The following ATG5 variants were observed in gnomAD, a reference collection of about 807,000 sequenced individuals.
ATG5 encodes autophagy related 5, also known as autophagy protein 5.
A neutral mutation model predicts 36.5 loss-of-function variants in ATG5; 14 were observed. That is an observed-to-expected ratio of 0.38 (90% CI 0.25 to 0.60). The LOEUF (loss-of-function observed/expected upper bound fraction) is 0.60. Among genes scored for constraint, ATG5 ranks in the 20% least tolerant of loss-of-function variants. The pLI, the probability that ATG5 is intolerant of heterozygous loss-of-function variation, is 0.60. For missense variants in ATG5, 195 were observed against 326.7 expected (o/e 0.60, Z 3.11); for synonymous variants, 95 against 101.5 (o/e 0.94, Z 0.38).
chr6:106,213,655 T>G (rs9486306), intron 6 of ATG5, among the ~76,000 whole-genome samples: 27,016 of 152,096 alleles, frequency 0.18, 2,867 homozygotes, highest in African/African-American at 0.29. Flanking sequence ...CCATAGCATA[T>G]AGAGCTTGGA....
At chr6:106,259,711 C>T (rs944403778) in intron 5 of ATG5, among the ~76,000 whole-genome samples, 19 of 152,044 alleles carry the variant, frequency 1.2e-4, no homozygotes, top group African/African-American at 4.6e-4. Context: ...TTAAATCTTA[C>T]ATAAAAATAA....
intron 5 of ATG5, among the ~76,000 whole-genome samples, chr6:106,271,154 G>C (rs529997466): frequency 6.6e-6 from 1 of 152,112 alleles, no homozygotes; most frequent in Non-Finnish European, 1.5e-5. Flanking sequence ...TAGATAATTT[G>C]GTTCTTTCTC....
chr6:106,202,230 G>GT, intron 6 of ATG5, 141 bp from the exon 7 acceptor site: 1 of 542,854 alleles, frequency 1.8e-6, no homozygotes, highest in South Asian at 2.9e-5. Flanking sequence ...CACAGATGTG[G>GT]TATCACTGTG....
chr6:106,323,523 G>C (rs910229792), intron 1 of ATG5, among the ~76,000 whole-genome samples: 37 of 152,024 alleles, frequency 2.4e-4, no homozygotes, highest in African/African-American at 8.7e-4. Context: ...ACAAGCATGA[G>C]CCATCACGCC....
intron 6 of ATG5, among the ~76,000 whole-genome samples, chr6:106,213,276 C>A (rs1218398481): frequency 6.6e-6 from 1 of 152,062 alleles, no homozygotes; most frequent in Non-Finnish European, 1.5e-5. Context: ...GAAATATGTA[C>A]AAAGCACTAT....
intron 5 of ATG5, among the ~76,000 whole-genome samples, chr6:106,256,225 A>G (rs1034411599): frequency 1.3e-5 from 2 of 152,202 alleles, no homozygotes; most frequent in Non-Finnish European, 2.9e-5. Flanking sequence ...AAAGTAGAAA[A>G]CACTATTAAT....
intron 2 of ATG5, among the ~76,000 whole-genome samples, chr6:106,313,135 T>C (rs1770714995): frequency 6.6e-6 from 1 of 152,172 alleles, no homozygotes; most frequent in South Asian, 2.1e-4. Context: ...AGGCAGAAGA[T>C]AGAGGGCTGG....
At chr6:106,243,803 C>T (rs1778221171) in intron 6 of ATG5, among the ~76,000 whole-genome samples, 1 of 151,288 alleles carries the variant, frequency 6.6e-6, no homozygotes, top group African/African-American at 2.4e-5. Context: ...TGCACTCCAG[C>T]CTGGGCGACA....
intron 6 of ATG5, among the ~76,000 whole-genome samples, chr6:106,231,109 A>T (rs1180608773): frequency 5.9e-5 from 9 of 152,124 alleles, no homozygotes; most frequent in Admixed American, 5.9e-4. Flanking sequence ...TTCCCCGATT[A>T]TGCCCCCTCC....
At chr6:106,246,227 G>A (rs376185430) in intron 6 of ATG5, among the ~76,000 whole-genome samples, 1 of 152,062 alleles carries the variant, frequency 6.6e-6, no homozygotes, top group Non-Finnish European at 1.5e-5. Context: ...CAAGTGCCTT[G>A]ACACATTAAA....
At chr6:106,295,636 T>C (rs1769893443) in intron 3 of ATG5, among the ~76,000 whole-genome samples, 1 of 151,622 alleles carries the variant, frequency 6.6e-6, no homozygotes, top group Admixed American at 6.6e-5. Context: ...CAGTCAGAGC[T>C]CACTACAATC....
intron 6 of ATG5, among the ~76,000 whole-genome samples, chr6:106,235,424 T>C (rs1777859919): frequency 6.6e-6 from 1 of 152,142 alleles, no homozygotes; most frequent in Admixed American, 6.5e-5. Flanking sequence ...AGGAAGCAGT[T>C]AGACTGGTCG....
At chr6:106,207,765 A>C (rs1776694098) in intron 6 of ATG5, among the ~76,000 whole-genome samples, 1 of 152,084 alleles carries the variant, frequency 6.6e-6, no homozygotes, top group Non-Finnish European at 1.5e-5. Flanking sequence ...ATACAGTTAC[A>C]TGATGCAACA....
chr6:106,267,987 A>G (rs909006020), intron 5 of ATG5, among the ~76,000 whole-genome samples: 3 of 152,232 alleles, frequency 2.0e-5, no homozygotes, highest in African/African-American at 7.2e-5. Context: ...AAAATTGACA[A>G]ATGGGATGTA....
chr6:106,293,371 T>C (rs531594610), intron 3 of ATG5, among the ~76,000 whole-genome samples: 6 of 152,326 alleles, frequency 3.9e-5, no homozygotes, highest in South Asian at 2.1e-4. Flanking sequence ...TTATCAGCCA[T>C]GTGAACTGTT....
intron 5 of ATG5, among the ~76,000 whole-genome samples, chr6:106,266,282 C>A (rs1306317954): frequency 6.6e-6 from 1 of 152,110 alleles, no homozygotes; most frequent in African/African-American, 2.4e-5. Flanking sequence ...ATACACACTG[C>A]CAAGACTAAA....
At chr6:106,292,598 T>C (rs952905079) in intron 4 of ATG5, among the ~76,000 whole-genome samples, 3 of 152,204 alleles carry the variant, frequency 2.0e-5, no homozygotes, top group Admixed American at 1.3e-4. Context: ...CATGCAAGAT[T>C]TTTGTTTTTT....
intron 6 of ATG5, among the ~76,000 whole-genome samples, chr6:106,240,146 C>G (rs1296110996): frequency 2.0e-5 from 3 of 151,712 alleles, no homozygotes; most frequent in Non-Finnish European, 2.9e-5. Flanking sequence ...TGTGCCACTA[C>G]GCCTGGCTAA....
intron 3 of ATG5, among the ~76,000 whole-genome samples, chr6:106,296,881 T>C (rs746461431): frequency 2.6e-5 from 4 of 152,194 alleles, no homozygotes; most frequent in African/African-American, 4.8e-5. Context: ...ATTAACACAG[T>C]TGAAAATTCC....
Sources: allele counts gnomAD v4.1 joint callset (sites outside exome capture counted in the v4.1 genomes callset), GRCh38; gene constraint gnomAD v4.1.1; transcripts MANE v1.5; gene names NCBI Gene and HGNC (gene_info 2026-07-23, HGNC 2026-07-21).